Variants in EIF2AK3 observed in about 807,000 individuals in gnomAD.
The protein encoded by EIF2AK3 is eukaryotic translation initiation factor 2 alpha kinase 3.
Under a neutral mutation model 113.5 loss-of-function variants are expected in EIF2AK3, and 50 were observed. That is an observed-to-expected ratio of 0.44 (90% CI 0.35 to 0.56). The LOEUF (loss-of-function observed/expected upper bound fraction) is 0.56. Ranked by LOEUF, EIF2AK3 falls within the 20% of genes least tolerant of loss-of-function variation. The pLI, the probability that EIF2AK3 is intolerant of heterozygous loss-of-function variation, is 0.00. For missense variants in EIF2AK3, 1,185 were observed against 1,378.0 expected (o/e 0.86, Z 2.22); for synonymous variants, 448 against 495.4 (o/e 0.90, Z 1.27).
chr2:88,607,519 T>C (rs2104460998), intron 2 of EIF2AK3, among the ~76,000 whole-genome samples: 1 of 152,340 alleles, frequency 6.6e-6, no homozygotes, highest in South Asian at 2.1e-4. Flanking sequence ...CAGGAGATAG[T>C]GGCAAATGAG....
In EIF2AK3 at chr2:88,575,419, G is replaced by T. The variant is rs771612567; in HGVS notation, c.2064C>A (p.Ser688Arg). Residue 688 changes from serine to arginine, a missense_variant, in exon 13 of 17, where the codon AGC (serine) becomes AGA (arginine). Physicochemically the swap from Ser to Arg is moderately radical, Grantham distance 110 (BLOSUM62 -1). Around this residue, in one of 3 missense-constraint regions of EIF2AK3, gnomAD observed 877 missense variants for 1,024.2 expected, o/e 0.86. Transcript: ENST00000303236. ...ESTDWPLSSP[S>R]PMDAPSVKIR... ...TTTTAACTGATGGTGCATCCATTGG[G>T]CTAGGAGAGCTGAGTGGCCAGTCTG... is the stretch of plus-strand genomic sequence containing the variant. 1.6e-5 allele frequency: 25 copies of T among 1,609,506 alleles called. No individual in the cohort carries two copies. Among genetic ancestry groups the T allele is most frequent in the Non-Finnish European group, 1.9e-5 (22 of 1,180,000 alleles).
chr2:88,562,210 A>G, intron 15 of EIF2AK3, 79 bp downstream of exon 15: 1 of 1,149,096 alleles, frequency 8.7e-7, no homozygotes, highest in Non-Finnish European at 1.3e-6. Context: ...AAGAAGAACT[A>G]AGTCTTTAAA....
chr2:88,619,812 G>A (rs1202966334), intron 1 of EIF2AK3, among the ~76,000 whole-genome samples: 1 of 152,070 alleles, frequency 6.6e-6, no homozygotes, highest in African/African-American at 2.4e-5. Flanking sequence ...AAGTAAGCCG[G>A]GTGTGATGGC....
intron 8 of EIF2AK3, among the ~76,000 whole-genome samples, chr2:88,587,741 C>T (rs1674775184): frequency 6.6e-6 from 1 of 152,126 alleles, no homozygotes. Context: ...GATTATTATT[C>T]TAATTTTACA....
chr2:88,605,445 C>T (rs1162525174), intron 2 of EIF2AK3, among the ~76,000 whole-genome samples: 1 of 152,138 alleles, frequency 6.6e-6, no homozygotes, highest in Admixed American at 6.5e-5. Flanking sequence ...CATGGATTCA[C>T]ATCTGTTTAA....
chr2:88,615,847 A>C (rs1430436144), intron 1 of EIF2AK3, among the ~76,000 whole-genome samples: 1 of 152,040 alleles, frequency 6.6e-6, no homozygotes, highest in African/African-American at 2.4e-5. Context: ...ACTATTTCTA[A>C]TCAAGTTCTC....
In EIF2AK3 at chr2:88,593,334, G is replaced by A. The variant is rs116441313; in HGVS notation, c.705C>T (p.Ile235=). 2.3e-4 allele frequency: 376 copies of A among 1,614,030 alleles called. 2 individuals carry two copies. In the African/African-American group the frequency reaches 4.6e-3, roughly 20 times the overall value. The change falls in exon 4 of 17, where the codon ATC becomes ATT. Residue 235 remains isoleucine (I), a synonymous_variant. Coordinates refer to ENST00000303236, the MANE Select transcript of EIF2AK3 (RefSeq NM_004836.7). ...DSDEMEQEED[I]LLLQRTQKTV... ...TTTTTTGGGTACGCTGTAGAAGCAG[G>A]ATGTCTTCCTCTTGTTCCATTTCGT...
At chr2:88,583,980 T>C (rs1674657803) in intron 9 of EIF2AK3, among the ~76,000 whole-genome samples, 1 of 152,212 alleles carries the variant, frequency 6.6e-6, no homozygotes, top group African/African-American at 2.4e-5. Context: ...GTTTCATAGA[T>C]TGCATTAAAA....
At chr2:88,606,412 A>C (rs2104458920) in intron 2 of EIF2AK3, among the ~76,000 whole-genome samples, 1 of 152,340 alleles carries the variant, frequency 6.6e-6, no homozygotes, top group East Asian at 1.9e-4. Context: ...CAGCCATGCT[A>C]AGGGATTAAT....
In EIF2AK3 at chr2:88,558,913, A is replaced by T. The variant is rs1673861747; in HGVS notation, c.3150+4T>A. On this transcript the variant is annotated splice_donor_region_variant and intron_variant, in intron 16 of 16. Transcript: ENST00000303236. Reference sequence around the variant, plus strand: ...AGAAGATAAAAGATGAGAATTACACATACCTCACAAGGATATTTCTGAGTA... The same window carrying T: ...AGAAGATAAAAGATGAGAATTACACTTACCTCACAAGGATATTTCTGAGTA... 7 of 1,591,978 alleles carry T rather than the reference A, an allele frequency of 4.4e-6. No individual in the cohort carries two copies. Among genetic ancestry groups the T allele is most frequent in the Non-Finnish European group, 6.0e-6 (7 of 1,160,366 alleles).
rs78587935 is a variant in EIF2AK3 at position 88,589,240 on chromosome 2, T to A, written c.1166-339A>T. On this transcript the variant is annotated intron_variant, in intron 6 of 16. Coordinates refer to ENST00000303236, the MANE Select transcript of EIF2AK3 (RefSeq NM_004836.7). ...AGTAACTTTCTCAAGAAAGTTTACC[T>A]AAACACCTATAATTCTAGAAATATT... is the stretch of plus-strand genomic sequence containing the variant. Among the ~76,000 whole-genome samples, 988 of 152,338 alleles carry A rather than the reference T, an allele frequency of 6.5e-3. 9 individuals carry two copies. Among genetic ancestry groups the A allele is most frequent in the African/African-American group, 0.023 (958 of 41,578 alleles).
chr2:88,588,340 C>T (rs1674792331), intron 7 of EIF2AK3, among the ~76,000 whole-genome samples: 1 of 152,072 alleles, frequency 6.6e-6, no homozygotes, highest in South Asian at 2.1e-4. Context: ...TAGTAAAAAA[C>T]ACGTACAAGG....
At chr2:88,580,233 G>A (rs1467350465) in intron 10 of EIF2AK3, among the ~76,000 whole-genome samples, 1 of 152,140 alleles carries the variant, frequency 6.6e-6, no homozygotes, top group African/African-American at 2.4e-5. Flanking sequence ...CCTCCACTAA[G>A]CAGCCTGTTT....
At chr2:88,595,122 G>C (rs1674985883) in intron 3 of EIF2AK3, among the ~76,000 whole-genome samples, 2 of 135,198 alleles carry the variant, frequency 1.5e-5, no homozygotes, top group African/African-American at 5.5e-5. Flanking sequence ...GAACCCACTT[G>C]AACCTGAGGG....
intron 2 of EIF2AK3, among the ~76,000 whole-genome samples, chr2:88,608,321 G>A (rs920161698): frequency 3.3e-5 from 5 of 151,920 alleles, no homozygotes; most frequent in Non-Finnish European, 7.4e-5. Flanking sequence ...AGCCTCCTGA[G>A]TAGCTGGGAC....
chr2:88,580,324 T>C (rs1674568029), intron 10 of EIF2AK3, among the ~76,000 whole-genome samples: 2 of 152,328 alleles, frequency 1.3e-5, no homozygotes, highest in African/African-American at 4.8e-5. Flanking sequence ...TTCAAGGTTT[T>C]GCTTCTGCTG....
rs1186011321 is a variant in EIF2AK3 at position 88,590,424 on chromosome 2, A to G, written c.1165+19T>C. 6.2e-7 allele frequency: 1 copy of G among 1,613,052 alleles called. No individual in the cohort carries two copies. Among genetic ancestry groups the G allele is most frequent in the African/African-American group, 1.3e-5 (1 of 74,898 alleles). On this transcript the variant is annotated intron_variant, in intron 6 of 16. Transcript: ENST00000303236. ...AGATGTCAATGTGTACTATCGTTAG[A>G]TAAGATACATTTACTCACCCAAGTA...
chr2:88,576,618 A>G lies in EIF2AK3; in HGVS notation c.1972T>C (p.Trp658Arg). 6.2e-7 allele frequency: 1 copy of G among 1,614,182 alleles called. No individual in the cohort carries two copies. The highest frequency in any genetic ancestry group is 8.5e-7 in the Non-Finnish European group (1 of 1,180,026). ...CACTTCTCTGGTGGTGCTTCGAGCC[A>G]GGCATTGAAATATCTAACAATGCCC... is the stretch of plus-strand genomic sequence containing the variant. ...HPGIVRYFNA[W>R]LEAPPEKWQE... is the part of the protein sequence containing the mutation. Residue 658 changes from tryptophan (W) to arginine (R), a missense_variant, in exon 12 of 17, where the codon TGG becomes CGG. Physicochemically the swap from Trp to Arg is moderately radical, Grantham distance 101. This residue lies in a region of EIF2AK3 where 877 missense variants were observed against 1,024.2 expected (regional missense o/e 0.86). Coordinates refer to ENST00000303236, the MANE Select transcript of EIF2AK3 (RefSeq NM_004836.7).
chr2:88,576,769 A>T, intron 11 of EIF2AK3, 66 bp from the exon 12 acceptor site: 1 of 1,552,176 alleles, frequency 6.4e-7, no homozygotes. Context: ...TTTACAAATT[A>T]TATGACTTAT....
Sources: allele counts gnomAD v4.1 joint callset (sites outside exome capture counted in the v4.1 genomes callset), GRCh38; gene constraint gnomAD v4.1.1; regional missense constraint gnomAD v4.1.1; transcripts MANE v1.5; gene names NCBI Gene and HGNC (gene_info 2026-07-23, HGNC 2026-07-21).